The following TENM3 variants were observed in gnomAD, a reference collection of about 807,000 sequenced individuals.
The protein encoded by TENM3 is teneurin transmembrane protein 3.
A neutral mutation model predicts 255.1 loss-of-function variants in TENM3; 63 were observed. That is an observed-to-expected ratio of 0.25 (90% CI 0.20 to 0.30). The LOEUF is 0.30. TENM3 is among the 10% of genes least tolerant of loss of function. The pLI, the probability that TENM3 is intolerant of heterozygous loss-of-function variation, is 1.00. For synonymous variants in TENM3, 1,306 were observed against 1,322.3 expected, an observed-to-expected ratio of 0.99 and a Z score of 0.27; for missense variants, 2,929 against 3,461.1, an observed-to-expected ratio of 0.85 and a Z score of 3.86.
the TENM3 span, among the ~76,000 whole-genome samples, chr4:181,594,892 T>C: frequency 6.6e-6 from 1 of 152,166 alleles, no homozygotes; most frequent in East Asian, 1.9e-4. Flanking sequence ...CCTAACACCC[T>C]CCAAGTTGCT....
the TENM3 span, among the ~76,000 whole-genome samples, chr4:181,513,098 A>T: frequency 6.6e-6 from 1 of 152,174 alleles, no homozygotes; most frequent in East Asian, 1.9e-4. Context: ...TGGTTTACAA[A>T]AAGTTGTCTA....
At chr4:181,605,617 A>G in the TENM3 span, among the ~76,000 whole-genome samples, 12,185 of 92,340 alleles carry the variant, frequency 0.13, 1,703 homozygotes, top group Non-Finnish European at 0.2. Flanking sequence ...AAGAAAGAAA[A>G]GAAAGAACAA....
chr4:181,889,970 C>T, the TENM3 span, among the ~76,000 whole-genome samples: 1 of 152,128 alleles, frequency 6.6e-6, no homozygotes, highest in African/African-American at 2.4e-5. Context: ...TGGAAAATGT[C>T]ATCCTCTGAC....
chr4:182,334,004 G>T (rs1357520644), intron 2 of TENM3, among the ~76,000 whole-genome samples: 1 of 152,094 alleles, frequency 6.6e-6, no homozygotes, highest in Non-Finnish European at 1.5e-5. Flanking sequence ...CCTAATCTTG[G>T]CCAAGGAACT....
intron 3 of TENM3, among the ~76,000 whole-genome samples, chr4:182,570,782 A>T (rs1744276827): frequency 6.6e-6 from 1 of 151,954 alleles, no homozygotes; most frequent in East Asian, 1.9e-4. Flanking sequence ...GTGAGTGGAG[A>T]TCGCACCACT....
At chr4:181,796,344 C>T in the TENM3 span, among the ~76,000 whole-genome samples, 5 of 152,120 alleles carry the variant, frequency 3.3e-5, no homozygotes, top group Admixed American at 6.5e-5. Flanking sequence ...AAGAAAGGGA[C>T]ACATACTGCT....
the TENM3 span, among the ~76,000 whole-genome samples, chr4:181,880,294 G>A: frequency 6.6e-6 from 1 of 152,076 alleles, no homozygotes; most frequent in African/African-American, 2.4e-5. Flanking sequence ...AGAAATATAT[G>A]TTAGATTAAT....
chr4:182,180,805 T>C (rs553261161), intron 1 of TENM3, among the ~76,000 whole-genome samples: 5 of 152,166 alleles, frequency 3.3e-5, no homozygotes, highest in Non-Finnish European at 7.4e-5. Context: ...AGTCATTTTT[T>C]TTCAGAAGTA....
At chr4:181,528,861 G>A in the TENM3 span, among the ~76,000 whole-genome samples, 1 of 152,040 alleles carries the variant, frequency 6.6e-6, no homozygotes, top group African/African-American at 2.4e-5. Context: ...GGAATGAAGG[G>A]CTGATAACCA....
At chr4:181,461,387 A>G in the TENM3 span, among the ~76,000 whole-genome samples, 4 of 151,916 alleles carry the variant, frequency 2.6e-5, no homozygotes, top group Admixed American at 2.6e-4. Context: ...TTTAAAATTG[A>G]TTGGGTTAAT....
chr4:181,723,240 T>C, the TENM3 span, among the ~76,000 whole-genome samples: 1 of 151,256 alleles, frequency 6.6e-6, no homozygotes, highest in Non-Finnish European at 1.5e-5. Context: ...GAATTGTCTC[T>C]TAAATCTCTG....
the TENM3 span, among the ~76,000 whole-genome samples, chr4:181,642,583 C>T: frequency 6.6e-6 from 1 of 152,104 alleles, no homozygotes; most frequent in South Asian, 2.1e-4. Flanking sequence ...AGGTTTTCTT[C>T]TAGGATTTTT....
At chr4:182,170,240 G>T (rs1752011377) in intron 1 of TENM3, among the ~76,000 whole-genome samples, 1 of 151,954 alleles carries the variant, frequency 6.6e-6, no homozygotes, top group African/African-American at 2.4e-5. Flanking sequence ...TCAGATAAGT[G>T]ATGTCACAAA....
At chr4:181,545,895 T>A in the TENM3 span, among the ~76,000 whole-genome samples, 1 of 152,188 alleles carries the variant, frequency 6.6e-6, no homozygotes, top group African/African-American at 2.4e-5. Context: ...TCTGCAGCCA[T>A]TCTTTTTGCA....
chr4:182,018,521 A>AT, the TENM3 span, among the ~76,000 whole-genome samples: 2 of 152,144 alleles, frequency 1.3e-5, no homozygotes, highest in Non-Finnish European at 2.9e-5. Context: ...AAACTCTGAC[A>AT]TTTTTTGACA....
the TENM3 span, among the ~76,000 whole-genome samples, chr4:181,518,142 G>A: frequency 5.3e-5 from 8 of 152,218 alleles, no homozygotes; most frequent in African/African-American, 1.9e-4. Flanking sequence ...CAAGCCTCTA[G>A]GAAGCTTAAT....
At chr4:181,574,251 G>A in the TENM3 span, among the ~76,000 whole-genome samples, 10 of 152,288 alleles carry the variant, frequency 6.6e-5, no homozygotes, top group East Asian at 1.9e-3. Context: ...ATGTCTTCCG[G>A]CCGGGCGCGG....
chr4:182,028,831 T>A, the TENM3 span, among the ~76,000 whole-genome samples: 1 of 152,114 alleles, frequency 6.6e-6, no homozygotes, highest in South Asian at 2.1e-4. Flanking sequence ...TTCAATTTTT[T>A]AAATATTTTA....
At chr4:182,234,366 A>G (rs1397345529) in intron 1 of TENM3, among the ~76,000 whole-genome samples, 1 of 152,188 alleles carries the variant, frequency 6.6e-6, no homozygotes, top group Non-Finnish European at 1.5e-5. Flanking sequence ...TGGGAGCTAA[A>G]TTCAGCAAGA....
Sources: gnomAD v4.1 joint callset for allele counts (sites outside exome capture counted in the v4.1 genomes callset) on GRCh38, gnomAD v4.1.1 for gene constraint, MANE v1.5 for transcripts, NCBI Gene and HGNC (gene_info 2026-07-23, HGNC 2026-07-21) for gene names.